Variants in SPECC1L observed in about 807,000 individuals in gnomAD.
SPECC1L encodes the protein sperm antigen with calponin homology and coiled-coil domains 1 like.
In SPECC1L, 40 loss-of-function variants were observed where a neutral mutation model predicts 116.8. That is an observed-to-expected ratio of 0.34 (90% CI 0.27 to 0.45). SPECC1L has a LOEUF of 0.45. Among genes scored for constraint, SPECC1L ranks in the 20% least tolerant of loss-of-function variants. SPECC1L has a pLI of 1.00. For synonymous variants in SPECC1L, 504 were observed against 500.6 expected (o/e 1.01, Z -0.09); for missense variants, 1,110 against 1,373.6 (o/e 0.81, Z 3.03).
chr22:24,319,674 T>C (rs2040680196), intron 4 of SPECC1L, among the ~76,000 whole-genome samples: 1 of 152,212 alleles, frequency 6.6e-6, no homozygotes, highest in African/African-American at 2.4e-5. Flanking sequence ...ACTGTACTTT[T>C]CCTTTCTGTG....
At chr22:24,346,779 G>A (rs1324595281) in intron 10 of SPECC1L, among the ~76,000 whole-genome samples, 1 of 152,154 alleles carries the variant, frequency 6.6e-6, no homozygotes, top group Non-Finnish European at 1.5e-5. Context: ...TCAAAATCCT[G>A]CTGGTGGTAT....
chr22:24,349,168 G>A lies in SPECC1L; in HGVS notation c.2743+1992G>A, dbSNP rs1205868906. On this transcript the variant is annotated intron_variant, in intron 11 of 16. Coordinates refer to ENST00000314328, the MANE Select transcript of SPECC1L (RefSeq NM_015330.6). ...TGATTCTCCTGCCTCAGCCTCCCGA[G>A]TAGCTGGGATTACAGGCGTGGAGCA... Among the ~76,000 whole-genome samples the A allele has an allele frequency of 2.0e-5, 3 of 152,122 alleles. No individual in the cohort carries two copies. In the East Asian group the frequency reaches 5.8e-4, roughly 29 times the overall value.
chr22:24,406,272 G>A (rs1267441145), intron 14 of SPECC1L, among the ~76,000 whole-genome samples: 1 of 152,156 alleles, frequency 6.6e-6, no homozygotes, highest in Non-Finnish European at 1.5e-5. Context: ...GAGGCATGAG[G>A]GGCAGATGGC....
At chr22:24,390,805 G>C (rs2042247363) in intron 14 of SPECC1L, among the ~76,000 whole-genome samples, 1 of 150,098 alleles carries the variant, frequency 6.7e-6, no homozygotes, top group Non-Finnish European at 1.5e-5. Flanking sequence ...GAGCCACCGG[G>C]GAATAGAAAC....
chr22:24,351,979 ACT>A (rs775357763), intron 11 of SPECC1L, among the ~76,000 whole-genome samples: 4 of 149,252 alleles, frequency 2.7e-5, no homozygotes, highest in South Asian at 4.3e-4. Flanking sequence ...ATAGAGCGAG[ACT>A]CTGTCTCAAA....
At chr22:24,384,740 A>G (rs1441059975) in intron 14 of SPECC1L, among the ~76,000 whole-genome samples, 2 of 152,216 alleles carry the variant, frequency 1.3e-5, no homozygotes, top group East Asian at 1.9e-4. Flanking sequence ...TGCTGTGATT[A>G]TAAAACACCA....
intron 12 of SPECC1L, among the ~76,000 whole-genome samples, chr22:24,363,568 A>G (rs893701228): frequency 6.6e-6 from 1 of 152,032 alleles, no homozygotes; most frequent in African/African-American, 2.4e-5. Flanking sequence ...TGCTCAGCTA[A>G]AATTACCATC....
chr22:24,273,884 A>C (rs2048779862), intron 1 of SPECC1L, among the ~76,000 whole-genome samples: 1 of 152,146 alleles, frequency 6.6e-6, no homozygotes, highest in African/African-American at 2.4e-5. Context: ...TCAGCCTCCC[A>C]AGTAGGTGGG....
chr22:24,322,019 A>T lies in SPECC1L; in HGVS notation c.1039A>T (p.Ser347Cys), dbSNP rs145257997. The T allele has an allele frequency of 1.9e-6, 3 of 1,614,100 alleles. No individual in the cohort carries two copies. The highest frequency in any genetic ancestry group is 1.7e-5 in the Admixed American group (1 of 60,002). ...QHSNSMDNLD[S>C]ECSEVYQPLT... ...CAGTAACTCCATGGACAATTTAGAC[A>T]GTGAGTGCAGTGAGGTCTACCAGCC... Residue 347 changes from serine (S) to cysteine (C), a missense_variant, in exon 5 of 17, where the codon AGT becomes TGT. By Grantham distance (112) the Ser-to-Cys change is moderately radical (BLOSUM62 -1). Coordinates refer to ENST00000314328, the MANE Select transcript of SPECC1L (RefSeq NM_015330.6).
chr22:24,347,534 A>G (rs557033403), intron 11 of SPECC1L, among the ~76,000 whole-genome samples: 1 of 152,328 alleles, frequency 6.6e-6, no homozygotes, highest in Admixed American at 6.5e-5. Flanking sequence ...GTTAGTTACT[A>G]AGCAGTAGCC....
At chr22:24,290,023 C>T (rs533646031) in intron 2 of SPECC1L, among the ~76,000 whole-genome samples, 1 of 152,258 alleles carries the variant, frequency 6.6e-6, no homozygotes, top group East Asian at 1.9e-4. Flanking sequence ...CTTTTTATTC[C>T]ACTCCACTGC....
intron 6 of SPECC1L, 87 bp downstream of exon 6, chr22:24,324,514 G>A: frequency 1.6e-6 from 2 of 1,231,364 alleles, no homozygotes; most frequent in Non-Finnish European, 2.3e-6. Context: ...AATAGGGCTG[G>A]GCACGGTGGC....
chr22:24,314,020 A>G (rs575860742), intron 4 of SPECC1L, among the ~76,000 whole-genome samples: 204 of 152,068 alleles, frequency 1.3e-3, no homozygotes, highest in African/African-American at 4.5e-3. Context: ...TACAGGCATG[A>G]GCCACTACAC....
Position 24,283,809 on chromosome 22 carries a change from G to T in SPECC1L, c.-38+7006G>T, listed in dbSNP as rs373819364. Among the ~76,000 whole-genome samples, 15 of 152,246 alleles carry T rather than the reference G, an allele frequency of 9.9e-5. No homozygotes were observed. In the East Asian group the frequency reaches 1.5e-3, roughly 16 times the overall value. On this transcript the variant is annotated intron_variant, in intron 2 of 16. Transcript: ENST00000314328. ...TGAGCTTCGATAGTTTGTCTTTCAA[G>T]AAATTCATTTATTTTATGATAGTTT...
At chr22:24,342,085 C>T (rs2041187647) in intron 10 of SPECC1L, among the ~76,000 whole-genome samples, 1 of 152,332 alleles carries the variant, frequency 6.6e-6, no homozygotes, top group Non-Finnish European at 1.5e-5. Context: ...AGTAATTTGT[C>T]ATGCAGCATA....
At chr22:24,313,280 A>G (rs1199471949) in intron 3 of SPECC1L, 33 bp from the exon 4 acceptor site, 2 of 1,611,764 alleles carry the variant, frequency 1.2e-6, no homozygotes, top group Non-Finnish European at 1.7e-6. Flanking sequence ...TGCTTGATCT[A>G]GTAAATTTGT....
chr22:24,374,039 C>T (rs937733674), intron 14 of SPECC1L, among the ~76,000 whole-genome samples: 4 of 152,078 alleles, frequency 2.6e-5, no homozygotes, highest in African/African-American at 7.2e-5. Flanking sequence ...TATCACTGGC[C>T]ATCAGAGAAA....
At chr22:24,354,514 T>C (rs1601598100) in intron 11 of SPECC1L, among the ~76,000 whole-genome samples, 1 of 152,308 alleles carries the variant, frequency 6.6e-6, no homozygotes. Flanking sequence ...TCAGTGGCTG[T>C]TGAGAGATCT....
chr22:24,402,003 C>T (rs1296945008), intron 14 of SPECC1L, among the ~76,000 whole-genome samples: 2 of 152,266 alleles, frequency 1.3e-5, no homozygotes, highest in African/African-American at 4.8e-5. Context: ...CCTCGGCCGC[C>T]TGCCCTGCCT....
Sources: gnomAD v4.1 joint callset for allele counts (sites outside exome capture counted in the v4.1 genomes callset) on GRCh38, gnomAD v4.1.1 for gene constraint, MANE v1.5 for transcripts, NCBI Gene and HGNC (gene_info 2026-07-23, HGNC 2026-07-21) for gene names.